Variants in CTNNA2 observed in about 807,000 individuals in gnomAD.
CTNNA2 encodes the protein catenin alpha 2, also known as catenin alpha-2.
CTNNA2 carries 42 observed loss-of-function variants against 101.0 expected under a neutral mutation model. The observed-to-expected ratio is 0.42, with a 90% CI of 0.32 to 0.54. The LOEUF (loss-of-function observed/expected upper bound fraction) is 0.54. Among genes scored for constraint, CTNNA2 ranks in the 20% least tolerant of loss-of-function variants. The pLI, the probability that CTNNA2 is intolerant of heterozygous loss-of-function variation, is 0.14. For synonymous variants in CTNNA2, 450 were observed against 456.4 expected, an observed-to-expected ratio of 0.99 and a Z score of 0.18; for missense variants, 871 against 1,223.1, an observed-to-expected ratio of 0.71 and a Z score of 4.29.
In CTNNA2 at chr2:79,328,179, T is replaced by A. The variant is rs149492963; in HGVS notation, c.-318+15383T>A. Reference sequence around the variant, plus strand: ...TCATTGTTCAGAAGAGAGCACAATATACAAATACCTCATAAAAGGTAAAGG... The same window carrying A: ...TCATTGTTCAGAAGAGAGCACAATAAACAAATACCTCATAAAAGGTAAAGG... On this transcript the variant is annotated intron_variant, in intron 3 of 21. Coordinates refer to the CTNNA2 transcript ENST00000466387. 6.6e-4 allele frequency among the ~76,000 whole-genome samples: 101 copies of A among 152,096 alleles called. 1 individual carries two copies. The highest frequency in any genetic ancestry group is 1.3e-3 in the Non-Finnish European group (85 of 67,994).
chr2:79,441,143 C>T (rs1339980012), intron 4 of CTNNA2, among the ~76,000 whole-genome samples: 1 of 152,082 alleles, frequency 6.6e-6, no homozygotes, highest in Non-Finnish European at 1.5e-5. Context: ...CTTTCTTGTC[C>T]AATGAACTGA....
At chr2:80,307,589 T>C (rs1422033599) in intron 7 of CTNNA2, among the ~76,000 whole-genome samples, 1 of 152,218 alleles carries the variant, frequency 6.6e-6, no homozygotes, top group African/African-American at 2.4e-5. Flanking sequence ...AATGTAGCTA[T>C]TGCATGTACT....
intron 18 of CTNNA2, among the ~76,000 whole-genome samples, chr2:80,622,348 G>C (rs1671224529): frequency 6.6e-6 from 1 of 151,884 alleles, no homozygotes; most frequent in African/African-American, 2.4e-5. Context: ...AGATATTCTG[G>C]TATTGTGATA....
At chr2:80,295,506 G>T (rs991843722) in intron 7 of CTNNA2, among the ~76,000 whole-genome samples, 8 of 152,166 alleles carry the variant, frequency 5.3e-5, no homozygotes, top group African/African-American at 1.9e-4. Context: ...GAATCAGAAT[G>T]TCTGGAGGAA....
intron 4 of CTNNA2, among the ~76,000 whole-genome samples, chr2:79,467,212 G>A (rs452463): frequency 0.26 from 39,852 of 152,104 alleles, 6,053 homozygotes; most frequent in South Asian, 0.44. Flanking sequence ...ACCATGGCAC[G>A]AGAACTACAT....
At chr2:80,144,324 T>C (rs748283971) in intron 7 of CTNNA2, among the ~76,000 whole-genome samples, 32 of 152,234 alleles carry the variant, frequency 2.1e-4, no homozygotes, top group Admixed American at 5.2e-4. Flanking sequence ...GCCTCCTCCT[T>C]AACAATACCA....
At chr2:79,972,568 T>G (rs1218675607) in intron 7 of CTNNA2, among the ~76,000 whole-genome samples, 1 of 152,196 alleles carries the variant, frequency 6.6e-6, no homozygotes, top group Non-Finnish European at 1.5e-5. Flanking sequence ...TCTTTACGTC[T>G]AGGTGCAAAT....
chr2:79,927,800 C>T (rs913144739), intron 7 of CTNNA2, among the ~76,000 whole-genome samples: 3 of 152,048 alleles, frequency 2.0e-5, no homozygotes, highest in African/African-American at 7.2e-5. Flanking sequence ...AATCATTATG[C>T]TATCAAAACT....
chr2:79,511,115 A>T (rs1671527291), upstream of CTNNA2, among the ~76,000 whole-genome samples: 1 of 152,186 alleles, frequency 6.6e-6, no homozygotes, highest in Admixed American at 6.5e-5. Flanking sequence ...TTAAAAAGTC[A>T]ATTCTTACGT....
In CTNNA2 at chr2:79,563,821, T is replaced by C. The variant is rs190514068; in HGVS notation, c.-6+50614T>C. Among the ~76,000 whole-genome samples, 401 of 152,288 alleles carry C rather than the reference T, an allele frequency of 2.6e-3. 1 individual carries two copies. Among genetic ancestry groups the C allele is most frequent in the Non-Finnish European group, 4.6e-3 (311 of 68,024 alleles). On this transcript the variant is annotated intron_variant, in intron 1 of 18. Transcript: ENST00000402739. ...TCATTAATTTGGAAAAAACATACTT[T>C]GCTACATTGTACATTTGTCATTCAA...
At chr2:80,333,812 C>A (rs1033567945) in intron 7 of CTNNA2, among the ~76,000 whole-genome samples, 1 of 152,132 alleles carries the variant, frequency 6.6e-6, no homozygotes, top group Non-Finnish European at 1.5e-5. Flanking sequence ...TTACTAGAGA[C>A]GGGTTTCGCC....
chr2:80,357,686 G>GTCATA (rs1303163039), intron 7 of CTNNA2, among the ~76,000 whole-genome samples: 1 of 152,120 alleles, frequency 6.6e-6, no homozygotes, highest in African/African-American at 2.4e-5. Context: ...GACTCTTCTA[G>GTCATA]TCAAAACCAC....
intron 3 of CTNNA2, among the ~76,000 whole-genome samples, chr2:79,831,318 AGAGTT>A (rs770776336): frequency 3.9e-5 from 6 of 152,174 alleles, no homozygotes; most frequent in Non-Finnish European, 8.8e-5. Flanking sequence ...TTTGTATGGT[AGAGTT>A]ATTTTAAATC....
chr2:80,099,478 A>G (rs556337649), intron 7 of CTNNA2, among the ~76,000 whole-genome samples: 17 of 152,302 alleles, frequency 1.1e-4, no homozygotes, highest in African/African-American at 3.6e-4. Flanking sequence ...GCGAGAAACA[A>G]TTGAAGCAAC....
intron 7 of CTNNA2, among the ~76,000 whole-genome samples, chr2:80,169,811 G>T (rs1704933320): frequency 6.6e-6 from 1 of 152,188 alleles, no homozygotes; most frequent in Admixed American, 6.5e-5. Flanking sequence ...ATGGGTTTTG[G>T]TGCCAGATAG....
At chr2:79,615,577 TG>T (rs1313029229) in intron 1 of CTNNA2, among the ~76,000 whole-genome samples, 1 of 152,194 alleles carries the variant, frequency 6.6e-6, no homozygotes, top group Non-Finnish European at 1.5e-5. Context: ...AGGAGGGAAC[TG>T]TTTTGACGAG....
At position 80,574,198 on chromosome 2, in the gene CTNNA2, A is replaced by G. The variant is rs758045744; in HGVS notation, c.1777A>G (p.Ile593Val). ...PRFAEQVEVA[I>V]EALSANVPQP... ...CTTCGCTGAACAAGTAGAGGTTGCC[A>G]TTGAAGCCCTGAGTGCCAACGTTCC... is the stretch of plus-strand genomic sequence containing the variant. Residue 593 changes from isoleucine (I) to valine (V), a missense_variant, in exon 13 of 19, where the codon ATT (isoleucine) becomes GTT (valine). Physicochemically the swap from Ile to Val is conservative, Grantham distance 29. Around this residue, in one of 5 missense-constraint regions of CTNNA2, gnomAD observed 647 missense variants for 831.5 expected, o/e 0.78. Transcript: ENST00000402739. 6.2e-7 allele frequency: 1 copy of G among 1,613,558 alleles called. No homozygotes were observed. The highest frequency in any genetic ancestry group is 8.5e-7 in the Non-Finnish European group (1 of 1,179,686).
At chr2:80,360,616 G>C (rs574237143) in intron 7 of CTNNA2, among the ~76,000 whole-genome samples, 1 of 152,168 alleles carries the variant, frequency 6.6e-6, no homozygotes, top group East Asian at 1.9e-4. Context: ...TGTCCTGATA[G>C]GGTACTCTAT....
chr2:80,213,564 C>A (rs1399115043), intron 7 of CTNNA2, among the ~76,000 whole-genome samples: 3 of 152,172 alleles, frequency 2.0e-5, no homozygotes, highest in Non-Finnish European at 4.4e-5. Context: ...TTTGATTGCA[C>A]TGTGGTCTGA....
Sources: allele counts gnomAD v4.1 joint callset (sites outside exome capture counted in the v4.1 genomes callset), GRCh38; gene constraint gnomAD v4.1.1; regional missense constraint gnomAD v4.1.1; transcripts MANE v1.5; gene names NCBI Gene and HGNC (gene_info 2026-07-23, HGNC 2026-07-21).